The following CSMD1 variants were observed in gnomAD, a reference collection of about 807,000 sequenced individuals.
The protein encoded by CSMD1 is CUB and Sushi multiple domains 1.
CSMD1 carries 213 observed loss-of-function variants against 417.5 expected under a neutral mutation model. The ratio of observed to expected loss-of-function variants is 0.51; its 90% CI spans 0.46 to 0.57. The LOEUF is 0.57. Ranked by LOEUF, CSMD1 falls within the 20% of genes least tolerant of loss-of-function variation. CSMD1 has a pLI of 0.00. For synonymous variants in CSMD1, 2,862 were observed against 1,736.8 expected (o/e 1.65, Z -16.11); for missense variants, 6,923 against 4,529.7 (o/e 1.53, Z -15.17).
At chr8:4,180,007 G>A (rs1301800209) in intron 3 of CSMD1, among the ~76,000 whole-genome samples, 2 of 152,072 alleles carry the variant, frequency 1.3e-5, no homozygotes, top group Non-Finnish European at 2.9e-5. Flanking sequence ...AACCATTGTG[G>A]AAGTCAGTGT....
At chr8:4,357,105 A>C (rs138040266) in intron 3 of CSMD1, among the ~76,000 whole-genome samples, 1 of 152,274 alleles carries the variant, frequency 6.6e-6, no homozygotes, top group African/African-American at 2.4e-5. Flanking sequence ...ATGTATTACA[A>C]CTCTGAATTG....
chr8:4,677,145 T>A (rs930138560), intron 1 of CSMD1, among the ~76,000 whole-genome samples: 2 of 148,320 alleles, frequency 1.3e-5, no homozygotes, highest in Admixed American at 6.8e-5. Context: ...TAAAATAATA[T>A]ATACATTATA....
chr8:3,412,559 G>C (rs1812879489), intron 12 of CSMD1, among the ~76,000 whole-genome samples: 1 of 152,110 alleles, frequency 6.6e-6, no homozygotes. Context: ...TGAATACATA[G>C]GATATCACCA....
chr8:4,125,268 C>T (rs868703614), intron 3 of CSMD1, among the ~76,000 whole-genome samples: 1 of 152,242 alleles, frequency 6.6e-6, no homozygotes. Flanking sequence ...AGTCACCCCT[C>T]TGCTCACTGA....
At position 3,033,016 on chromosome 8, in the gene CSMD1, A is replaced by G. The variant is rs139373207; in HGVS notation, c.7661-3503T>C. 5.2e-3 allele frequency among the ~76,000 whole-genome samples: 795 copies of G among 152,240 alleles called. 10 individuals carry two copies. The highest frequency in any genetic ancestry group is 0.018 in the African/African-American group (760 of 41,558). ...GAGAATAATACCACGGCAACTTGAC[A>G]CTTCTGAATATTCATTTAAAAGAAA... On this transcript the variant is annotated intron_variant, in intron 50 of 69. Coordinates refer to ENST00000635120, the MANE Select transcript of CSMD1 (RefSeq NM_033225.6).
Position 3,311,551 on chromosome 8 carries a change from G to A in CSMD1, c.3632-3048C>T, listed in dbSNP as rs556371002. Among the ~76,000 whole-genome samples the A allele has an allele frequency of 2.0e-5, 3 of 152,286 alleles. No homozygotes were observed. In the East Asian group the frequency reaches 5.8e-4, roughly 29 times the overall value. ...AAGCATGAGTCTAATCAGCTAGAGA[G>A]TCAACACTTTCTTACAAAACAAGCT... On this transcript the variant is annotated intron_variant, in intron 23 of 69. Coordinates refer to ENST00000635120, the MANE Select transcript of CSMD1 (RefSeq NM_033225.6).
intron 12 of CSMD1, among the ~76,000 whole-genome samples, chr8:3,467,219 G>A (rs539809929): frequency 7.2e-5 from 11 of 152,322 alleles, no homozygotes; most frequent in Non-Finnish European, 1.3e-4. Context: ...CAAGGATGCA[G>A]TTTGGGCACG....
intron 3 of CSMD1, among the ~76,000 whole-genome samples, chr8:4,298,900 A>C (rs1797830092): frequency 1.3e-5 from 2 of 152,086 alleles, no homozygotes; most frequent in Admixed American, 6.5e-5. Flanking sequence ...ATTTTACATC[A>C]TATATATGTA....
intron 10 of CSMD1, among the ~76,000 whole-genome samples, chr8:3,505,908 G>A (rs368913251): frequency 4.1e-4 from 62 of 152,212 alleles, no homozygotes; most frequent in African/African-American, 1.2e-3. Context: ...ACTTAAGGAG[G>A]TTCTTTACAA....
intron 7 of CSMD1, among the ~76,000 whole-genome samples, chr8:3,623,161 A>G (rs1004223176): frequency 1.3e-5 from 2 of 152,220 alleles, no homozygotes; most frequent in Admixed American, 1.3e-4. Context: ...AAGAGTTTAA[A>G]TGAATTTGAT....
At chr8:3,485,832 T>TAAAAC (rs1249989162) in intron 11 of CSMD1, among the ~76,000 whole-genome samples, 1 of 129,924 alleles carries the variant, frequency 7.7e-6, no homozygotes, top group African/African-American at 2.9e-5. Context: ...TAAAATAAAA[T>TAAAAC]AAAACAGGAA....
At chr8:3,028,570 T>A (rs193017568) in intron 51 of CSMD1, among the ~76,000 whole-genome samples, 2 of 152,370 alleles carry the variant, frequency 1.3e-5, no homozygotes, top group Admixed American at 1.3e-4. Flanking sequence ...TTTGTGTTCC[T>A]GGTGAAGAGC....
chr8:3,908,195 T>A (rs1482756741), intron 5 of CSMD1, among the ~76,000 whole-genome samples: 2 of 152,164 alleles, frequency 1.3e-5, no homozygotes, highest in Non-Finnish European at 2.9e-5. Flanking sequence ...GGCTAGATAC[T>A]AAGCACATAA....
At chr8:3,823,007 G>A (rs552229374) in intron 5 of CSMD1, among the ~76,000 whole-genome samples, 1 of 152,254 alleles carries the variant, frequency 6.6e-6, no homozygotes, top group East Asian at 1.9e-4. Context: ...TACGAAGGCT[G>A]AGTCAGCTGA....
intron 2 of CSMD1, among the ~76,000 whole-genome samples, chr8:4,629,591 GA>G (rs761062666): frequency 6.6e-6 from 1 of 152,070 alleles, no homozygotes; most frequent in Non-Finnish European, 1.5e-5. Context: ...TAAGTTTTAG[GA>G]AGTCCAATTT....
intron 5 of CSMD1, among the ~76,000 whole-genome samples, chr8:3,976,562 C>T (rs1187635063): frequency 1.3e-5 from 2 of 152,152 alleles, no homozygotes; most frequent in South Asian, 4.1e-4. Context: ...AGTGTCTTCT[C>T]AGCAATTAAG....
At chr8:4,569,806 C>G (rs1012402231) in intron 2 of CSMD1, among the ~76,000 whole-genome samples, 3 of 152,150 alleles carry the variant, frequency 2.0e-5, no homozygotes, top group Non-Finnish European at 4.4e-5. Context: ...TTTGTGTCCT[C>G]TTTTATTTCC....
intron 5 of CSMD1, among the ~76,000 whole-genome samples, chr8:3,770,662 A>C (rs999589229): frequency 2.0e-5 from 3 of 152,196 alleles, no homozygotes; most frequent in Non-Finnish European, 4.4e-5. Flanking sequence ...TTTTCCCATC[A>C]TGACTGACTG....
At chr8:4,414,342 T>A (rs1796810985) in intron 3 of CSMD1, among the ~76,000 whole-genome samples, 1 of 152,170 alleles carries the variant, frequency 6.6e-6, no homozygotes, top group Non-Finnish European at 1.5e-5. Flanking sequence ...AAAAGGTCTC[T>A]CTAGCAGCCC....
Sources: gnomAD v4.1 joint callset for allele counts (sites outside exome capture counted in the v4.1 genomes callset) on GRCh38, gnomAD v4.1.1 for gene constraint, MANE v1.5 for transcripts, NCBI Gene and HGNC (gene_info 2026-07-23, HGNC 2026-07-21) for gene names.